ZNF131: variants seen among roughly 807,000 people sequenced by gnomAD.
The protein encoded by ZNF131 is zinc finger protein 131.
A neutral mutation model predicts 60.0 loss-of-function variants in ZNF131; 7 were observed. That is an observed-to-expected ratio of 0.12 (90% CI 0.07 to 0.22). The LOEUF is 0.22. Among genes scored for constraint, ZNF131 ranks in the 10% least tolerant of loss-of-function variants. The probability of loss-of-function intolerance (pLI) is 1.00; values close to 1 mark genes in which losing one functional copy is unlikely to be tolerated. For synonymous variants in ZNF131, 257 were observed against 253.2 expected, an observed-to-expected ratio of 1.01 and a Z score of -0.14; for missense variants, 493 against 740.9, an observed-to-expected ratio of 0.67 and a Z score of 3.88.
chr5:43,158,904 AG>A (rs1277857817), intron 4 of ZNF131, among the ~76,000 whole-genome samples: 1 of 151,490 alleles, frequency 6.6e-6, no homozygotes, highest in East Asian at 1.9e-4. Flanking sequence ...AAGAGCTATG[AG>A]ATTTTACTCT....
chr5:43,137,579 A>G (rs1474759148), intron 3 of ZNF131, among the ~76,000 whole-genome samples: 1 of 151,962 alleles, frequency 6.6e-6, no homozygotes, highest in African/African-American at 2.4e-5. Flanking sequence ...TGGCTATCAA[A>G]AAAAAAAAGA....
chr5:43,173,950 A>G (rs1751298109), intron 6 of ZNF131, among the ~76,000 whole-genome samples: 2 of 152,302 alleles, frequency 1.3e-5, no homozygotes, highest in South Asian at 2.1e-4. Flanking sequence ...TTAGGTGGCC[A>G]GGCACGGTGG....
At chr5:43,148,171 A>G (rs1343947355) in intron 4 of ZNF131, among the ~76,000 whole-genome samples, 3 of 151,438 alleles carry the variant, frequency 2.0e-5, no homozygotes, top group African/African-American at 4.9e-5. Context: ...CAGGAGTTCA[A>G]GACCAGCCTG....
At chr5:43,142,455 CA>C (rs1443802772) in intron 4 of ZNF131, among the ~76,000 whole-genome samples, 2 of 151,022 alleles carry the variant, frequency 1.3e-5, no homozygotes. Context: ...AGGCTTCCGC[CA>C]CCACACCCGG....
At chr5:43,174,308 C>G in intron 6 of ZNF131, 139 bp from the exon 7 acceptor site, 4 of 769,218 alleles carry the variant, frequency 5.2e-6, no homozygotes, top group Non-Finnish European at 7.8e-6. Context: ...ATAGCTTGGA[C>G]GAGATTCTAT....
intron 3 of ZNF131, among the ~76,000 whole-genome samples, chr5:43,137,817 GAAAT>G (rs1026877638): frequency 6.6e-6 from 1 of 152,148 alleles, no homozygotes; most frequent in African/African-American, 2.4e-5. Flanking sequence ...GCCACGAGAG[GAAAT>G]AAATATTCGT....
At chr5:43,163,364 T>G (rs1485113579) in intron 5 of ZNF131, among the ~76,000 whole-genome samples, 1 of 152,188 alleles carries the variant, frequency 6.6e-6, no homozygotes, top group Non-Finnish European at 1.5e-5. Context: ...TCTCCACCTT[T>G]TCAACAGCAA....
intron 4 of ZNF131, among the ~76,000 whole-genome samples, chr5:43,160,700 T>G (rs868228306): frequency 0.011 from 1,240 of 113,910 alleles, 5 homozygotes; most frequent in South Asian, 0.022. Flanking sequence ...TTTTTTTTTT[T>G]GAGACAGAGT....
In ZNF131 at chr5:43,173,410, G is replaced by C; in HGVS notation, c.1147G>C (p.Gly383Arg). 1 of 1,613,358 alleles carries C rather than the reference G, an allele frequency of 6.2e-7. No homozygotes were observed. Among genetic ancestry groups the C allele is most frequent in the Non-Finnish European group, 8.5e-7 (1 of 1,179,494 alleles). Residue 383 changes from glycine to arginine, a missense_variant, in exon 6 of 7, where the codon GGG becomes CGG. Around this residue, in one of 7 missense-constraint regions of ZNF131, gnomAD observed 33 missense variants for 67.9 expected, o/e 0.49. Coordinates refer to ENST00000682664, the MANE Select transcript of ZNF131 (RefSeq NM_001330707.2). ...CHLTACQTGV[G>R]AKKGRKKLYE... is the part of the protein sequence containing the mutation. The stretch of plus-strand genomic sequence containing the variant: ...CCTCACTGCATGCCAAACTGGAGTA[G>C]GGGCAAAAAAAGGAAGGAAGAAGCT...
At chr5:43,168,632 C>T (rs377162196) in intron 5 of ZNF131, among the ~76,000 whole-genome samples, 1 of 152,102 alleles carries the variant, frequency 6.6e-6, no homozygotes, top group South Asian at 2.1e-4. Context: ...AAGACTGGGT[C>T]ATTTTAAAGG....
intron 5 of ZNF131, among the ~76,000 whole-genome samples, chr5:43,168,847 C>T (rs139285372): frequency 1.4e-4 from 21 of 152,120 alleles, no homozygotes; most frequent in African/African-American, 5.1e-4. Context: ...ATTTGGTGGT[C>T]GGTGAGGTGC....
chr5:43,169,982 G>T (rs1750787017), intron 5 of ZNF131, among the ~76,000 whole-genome samples: 1 of 152,050 alleles, frequency 6.6e-6, no homozygotes, highest in South Asian at 2.1e-4. Context: ...AGTAGAGACG[G>T]GGTTTCACTA....
At chr5:43,151,629 T>A (rs918857617) in intron 4 of ZNF131, among the ~76,000 whole-genome samples, 7 of 152,082 alleles carry the variant, frequency 4.6e-5, no homozygotes, top group African/African-American at 1.7e-4. Context: ...GAAATGAGGT[T>A]TCTCCATGTT....
At chr5:43,150,189 A>G (rs1317037686) in intron 4 of ZNF131, among the ~76,000 whole-genome samples, 2 of 152,208 alleles carry the variant, frequency 1.3e-5, no homozygotes, top group South Asian at 2.1e-4. Flanking sequence ...ATGAGCTGCA[A>G]GCAAACCTGC....
chr5:43,127,484 G>A lies in ZNF131; in HGVS notation c.226+4174G>A, dbSNP rs149027969. 2.2e-4 allele frequency among the ~76,000 whole-genome samples: 34 copies of A among 152,354 alleles called. No individual in the cohort carries two copies. The South Asian group carries it at 3.9e-3, about 18-fold the overall frequency. On this transcript the variant is annotated intron_variant, in intron 3 of 6. Transcript: ENST00000682664. ...AACAAGATCCCCAGATGGTGCCTAC[G>A]CACAGTAAAATTTGAGCAGCACTGC... is the stretch of plus-strand genomic sequence containing the variant.
At chr5:43,149,415 A>T (rs1433899798) in intron 4 of ZNF131, among the ~76,000 whole-genome samples, 4 of 152,220 alleles carry the variant, frequency 2.6e-5, no homozygotes, top group African/African-American at 4.8e-5. Context: ...CATTGTATGG[A>T]TGTATCACCA....
At chr5:43,168,521 A>AGT (rs1750623330) in intron 5 of ZNF131, among the ~76,000 whole-genome samples, 1 of 152,162 alleles carries the variant, frequency 6.6e-6, no homozygotes, top group Admixed American at 6.5e-5. Flanking sequence ...GGAGATCTAG[A>AGT]GTGGAGTAAG....
chr5:43,143,466 T>G, intron 4 of ZNF131: 7 of 1,326,802 alleles, frequency 5.3e-6, no homozygotes, highest in Non-Finnish European at 7.1e-6. Context: ...ACACGCTGTA[T>G]TTGAAGTTTC....
chr5:43,157,083 A>G (rs1368696728), intron 4 of ZNF131, among the ~76,000 whole-genome samples: 1 of 152,184 alleles, frequency 6.6e-6, no homozygotes, highest in African/African-American at 2.4e-5. Context: ...CTATATATTC[A>G]GTATCTTATC....
Sources: allele counts gnomAD v4.1 joint callset (sites outside exome capture counted in the v4.1 genomes callset), GRCh38; gene constraint gnomAD v4.1.1; regional missense constraint gnomAD v4.1.1; transcripts MANE v1.5; gene names NCBI Gene and HGNC (gene_info 2026-07-23, HGNC 2026-07-21).